The following MAP2 variants were observed in gnomAD, a reference collection of about 807,000 sequenced individuals.
The protein encoded by MAP2 is microtubule-associated protein 2.
A neutral mutation model predicts 137.6 loss-of-function variants in MAP2; 14 were observed. That is an observed-to-expected ratio of 0.10 (90% CI 0.07 to 0.16). MAP2 has a LOEUF of 0.16. Ranked by LOEUF, MAP2 falls within the 10% of genes least tolerant of loss-of-function variation. MAP2 has a pLI of 1.00. For missense variants in MAP2, 2,088 were observed against 2,191.5 expected (o/e 0.95, Z 0.94); for synonymous variants, 786 against 782.3 (o/e 1.00, Z -0.08).
At chr2:209,636,294 C>A (rs2093555898) in intron 4 of MAP2, among the ~76,000 whole-genome samples, 3 of 152,084 alleles carry the variant, frequency 2.0e-5, no homozygotes, top group African/African-American at 7.2e-5. Context: ...AGTAATCAAT[C>A]CTGAATAAAA....
In MAP2 at chr2:209,603,427, C is replaced by A. The variant is rs913551512; in HGVS notation, c.-106-21626C>A. Among the ~76,000 whole-genome samples, 6 of 151,978 alleles carry A rather than the reference C, an allele frequency of 3.9e-5. No individual in the cohort carries two copies. The East Asian group carries it at 9.7e-4, about 24-fold the overall frequency. On this transcript the variant is annotated intron_variant, in intron 3 of 15. Transcript: ENST00000682079. ...GAAACTTCGGCGGTGGGATGGGGGG[C>A]GGTTATCACAAAGGATTAACAGATT...
chr2:209,508,582 TCC>T (rs1437028096), intron 2 of MAP2, among the ~76,000 whole-genome samples: 3 of 57,944 alleles, frequency 5.2e-5, no homozygotes, highest in African/African-American at 1.3e-4. Flanking sequence ...ACTCTCTCTG[TCC>T]CACACACACA....
At chr2:209,628,873 A>G (rs1304179230) in intron 4 of MAP2, among the ~76,000 whole-genome samples, 3 of 152,180 alleles carry the variant, frequency 2.0e-5, no homozygotes, top group African/African-American at 4.8e-5. Flanking sequence ...TAGGTATGCA[A>G]GGGTTACCAT....
At chr2:209,674,868 A>G (rs527287642) in intron 5 of MAP2, among the ~76,000 whole-genome samples, 2 of 151,908 alleles carry the variant, frequency 1.3e-5, no homozygotes, top group South Asian at 2.1e-4. Context: ...AAGCCATGCT[A>G]TAAGGATGAA....
Position 209,653,241 on chromosome 2 carries a change from C to G in MAP2, c.71C>G (p.Ala24Gly), listed in dbSNP as rs1211612973. 1 of 1,613,952 alleles carries G rather than the reference C, an allele frequency of 6.2e-7. No homozygotes were observed. The highest frequency in any genetic ancestry group is 8.5e-7 in the Non-Finnish European group (1 of 1,180,008). Residue 24 changes from alanine (A) to glycine (G), a missense_variant, in exon 5 of 16, where the codon GCA becomes GGA. Physicochemically the swap from Ala to Gly is moderately conservative, Grantham distance 60. Around this residue, in one of 6 missense-constraint regions of MAP2, gnomAD observed 859 missense variants for 794.5 expected, o/e 1.08. Transcript: ENST00000682079. Reference sequence around the variant, plus strand: ...TCAGCACCGCTAACAGAGGCATCTGCACACTCACATCCACCTGAGATTAAG... The same window carrying G: ...TCAGCACCGCTAACAGAGGCATCTGGACACTCACATCCACCTGAGATTAAG... Reference protein sequence around the residue: ...WTSAPLTEASAHSHPPEIKDQ... With the variant: ...WTSAPLTEASGHSHPPEIKDQ...
chr2:209,611,944 G>A (rs573550463), intron 3 of MAP2, among the ~76,000 whole-genome samples: 31 of 152,222 alleles, frequency 2.0e-4, no homozygotes, highest in Admixed American at 3.3e-4. Context: ...ACCTATTAGC[G>A]TGTATCACTA....
intron 1 of MAP2, among the ~76,000 whole-genome samples, chr2:209,426,760 C>CA (rs1007727951): frequency 2.0e-5 from 3 of 152,158 alleles, no homozygotes; most frequent in Non-Finnish European, 4.4e-5. Context: ...TATTCCTTTT[C>CA]AGGGATCTTG....
At chr2:209,476,574 A>C (rs1420244627) in intron 1 of MAP2, among the ~76,000 whole-genome samples, 1 of 152,116 alleles carries the variant, frequency 6.6e-6, no homozygotes, top group Non-Finnish European at 1.5e-5. Flanking sequence ...AACAGTCTCC[A>C]AGCTTTTTCA....
chr2:209,570,867 G>A (rs922091048), intron 2 of MAP2, among the ~76,000 whole-genome samples: 1 of 152,032 alleles, frequency 6.6e-6, no homozygotes, highest in East Asian at 1.9e-4. Flanking sequence ...GATGATACGG[G>A]AAGCATCTTA....
intron 4 of MAP2, among the ~76,000 whole-genome samples, chr2:209,638,593 C>T (rs932089916): frequency 1.3e-5 from 2 of 152,156 alleles, no homozygotes; most frequent in East Asian, 1.9e-4. Flanking sequence ...TTAACTAGAT[C>T]GTTGATGCTC....
At chr2:209,486,567 GGT>G (rs1201522699) in intron 1 of MAP2, among the ~76,000 whole-genome samples, 1 of 152,014 alleles carries the variant, frequency 6.6e-6, no homozygotes, top group African/African-American at 2.4e-5. Flanking sequence ...GATATGTCTC[GGT>G]TCACAGTCAG....
chr2:209,664,567 AAGAG>A (rs1192365485), intron 5 of MAP2, among the ~76,000 whole-genome samples: 5 of 152,068 alleles, frequency 3.3e-5, no homozygotes, highest in African/African-American at 9.7e-5. Context: ...AAACAAAAAG[AAGAG>A]AGAGTATCCA....
At chr2:209,497,860 T>C (rs2059935911) in intron 1 of MAP2, among the ~76,000 whole-genome samples, 1 of 152,132 alleles carries the variant, frequency 6.6e-6, no homozygotes, top group Non-Finnish European at 1.5e-5. Flanking sequence ...CCTCCAGCAC[T>C]GGGGATTACA....
chr2:209,722,835 C>T (rs1460029686), intron 13 of MAP2, among the ~76,000 whole-genome samples: 1 of 152,166 alleles, frequency 6.6e-6, no homozygotes, highest in African/African-American at 2.4e-5. Flanking sequence ...CAAGGCCTGA[C>T]CTATGTCTGT....
chr2:209,426,421 T>C (rs1692598502), intron 1 of MAP2, among the ~76,000 whole-genome samples: 1 of 152,226 alleles, frequency 6.6e-6, no homozygotes, highest in South Asian at 2.1e-4. Context: ...TTTAGTCTTC[T>C]ATACTGCCAT....
At chr2:209,529,436 A>G (rs2064751551) in intron 2 of MAP2, among the ~76,000 whole-genome samples, 1 of 152,196 alleles carries the variant, frequency 6.6e-6, no homozygotes, top group South Asian at 2.1e-4. Context: ...CTGTCAGATG[A>G]GGAACATTGC....
intron 4 of MAP2, among the ~76,000 whole-genome samples, chr2:209,647,854 T>C (rs2094511154): frequency 6.6e-6 from 1 of 152,124 alleles, no homozygotes; most frequent in Non-Finnish European, 1.5e-5. Context: ...GAAGTAGAAA[T>C]AAATGTGTCC....
intron 5 of MAP2, among the ~76,000 whole-genome samples, chr2:209,677,418 A>T (rs1422070295): frequency 4.6e-5 from 7 of 151,650 alleles, no homozygotes; most frequent in African/African-American, 1.5e-4. Context: ...AGACAGACAG[A>T]CAGACAGACA....
chr2:209,434,850 TTA>T (rs571311408), intron 1 of MAP2, among the ~76,000 whole-genome samples: 16,790 of 119,650 alleles, frequency 0.14, 3,301 homozygotes, highest in African/African-American at 0.43. Context: ...TATATATATG[TTA>T]TATATATATG....
Sources: allele counts gnomAD v4.1 joint callset (sites outside exome capture counted in the v4.1 genomes callset), GRCh38; gene constraint gnomAD v4.1.1; regional missense constraint gnomAD v4.1.1; transcripts MANE v1.5; gene names NCBI Gene and HGNC (gene_info 2026-07-23, HGNC 2026-07-21).